The following ASB5 variants were observed in gnomAD, a reference collection of about 807,000 sequenced individuals.
ASB5 encodes the protein ankyrin repeat and SOCS box protein 5.
A neutral mutation model predicts 42.1 loss-of-function variants in ASB5; 45 were observed. That is an observed-to-expected ratio of 1.07 (90% confidence interval 0.84 to 1.37). The LOEUF is 1.37. Among genes scored for constraint, ASB5 ranks in the 40% most tolerant of loss-of-function variants. The probability of loss-of-function intolerance (pLI) is 0.00; values close to 1 mark genes in which losing one functional copy is unlikely to be tolerated. For missense variants in ASB5, 402 were observed against 399.8 expected (o/e 1.01, Z -0.05); for synonymous variants, 147 against 150.6 (o/e 0.98, Z 0.18).
At chr4:176,221,089 C>T in intron 5 of ASB5, 66 bp downstream of exon 5, 1 of 1,461,886 alleles carries the variant, frequency 6.8e-7, no homozygotes, top group Non-Finnish European at 9.1e-7. Flanking sequence ...TAAAGATGCT[C>T]ATTTAGAGAA....
At chr4:176,222,760 A>G (rs528818598) in intron 2 of ASB5, among the ~76,000 whole-genome samples, 3 of 152,084 alleles carry the variant, frequency 2.0e-5, no homozygotes, top group Non-Finnish European at 2.9e-5. Context: ...GTTTTGTAGA[A>G]CTAAAGACTT....
chr4:176,219,379 T>C (rs866710406), intron 5 of ASB5, among the ~76,000 whole-genome samples: 3 of 91,870 alleles, frequency 3.3e-5, no homozygotes, highest in African/African-American at 1.2e-4. Flanking sequence ...ATTTGTATGA[T>C]ATATAAATAT....
intron 1 of ASB5, among the ~76,000 whole-genome samples, chr4:176,245,061 G>A (rs1488943219): frequency 6.6e-6 from 1 of 152,142 alleles, no homozygotes; most frequent in East Asian, 1.9e-4. Flanking sequence ...GGAGTTCCCA[G>A]ATAAACTTAA....
chr4:176,240,006 A>ATGGATTCAT (rs1409575944), intron 1 of ASB5, among the ~76,000 whole-genome samples: 1 of 152,196 alleles, frequency 6.6e-6, no homozygotes, highest in Non-Finnish European at 1.5e-5. Flanking sequence ...GCTCAGCTGT[A>ATGGATTCAT]TGGATTCATA....
chr4:176,226,440 C>T (rs13130595), intron 1 of ASB5, among the ~76,000 whole-genome samples: 32,512 of 151,956 alleles, frequency 0.21, 3,576 homozygotes, highest in African/African-American at 0.26. Context: ...GACTGAGCCA[C>T]GCTACCTCAT....
At chr4:176,239,518 T>C (rs577809032) in intron 1 of ASB5, among the ~76,000 whole-genome samples, 54 of 152,212 alleles carry the variant, frequency 3.5e-4, no homozygotes, top group Non-Finnish European at 6.9e-4. Flanking sequence ...TTAGACACCG[T>C]ATATTATAAT....
chr4:176,215,553 G>C lies in ASB5; in HGVS notation c.*47C>G. ...TATATGAACTATTCCTTAAGCAAAA[G>C]AAATAGAAATTTTGATTTTCAAGGT... is the stretch of plus-strand genomic sequence containing the variant. On this transcript the variant is annotated 3_prime_UTR_variant, in exon 7 of 7. Coordinates refer to ENST00000296525, the MANE Select transcript of ASB5 (RefSeq NM_080874.4). The C allele has an allele frequency of 6.4e-7, 1 of 1,571,894 alleles. No homozygotes were observed. The highest frequency in any genetic ancestry group is 1.1e-5 in the South Asian group (1 of 87,898).
intron 2 of ASB5, among the ~76,000 whole-genome samples, chr4:176,222,812 C>CT (rs1471859776): frequency 6.6e-6 from 1 of 152,216 alleles, no homozygotes; most frequent in Non-Finnish European, 1.5e-5. Flanking sequence ...GAGCCTCACT[C>CT]TGTCACCCAA....
rs1224555138 is a variant in ASB5, at chr4:176,261,133, C to A, written c.196+7780G>T. Among the ~76,000 whole-genome samples, 3 of 152,114 alleles carry A rather than the reference C, an allele frequency of 2.0e-5. No homozygotes were observed. The East Asian group carries it at 5.8e-4, about 29-fold the overall frequency. ...TGTCACTGGGGATAATTGTTCTTCTCTCCTCTGCAGTTTAGAAAATGGGCT... is the reference window on the plus strand; with the variant it reads ...TGTCACTGGGGATAATTGTTCTTCTATCCTCTGCAGTTTAGAAAATGGGCT... On this transcript the variant is annotated intron_variant, in intron 1 of 6. Transcript: ENST00000296525.
chr4:176,220,024 A>G (rs983317143), intron 5 of ASB5, among the ~76,000 whole-genome samples: 2 of 152,188 alleles, frequency 1.3e-5, no homozygotes, highest in East Asian at 3.8e-4. Context: ...ATAGCTGATG[A>G]GCTAAAACAA....
chr4:176,273,998 G>T (rs1324165625), upstream of ASB5, among the ~76,000 whole-genome samples: 5 of 152,138 alleles, frequency 3.3e-5, no homozygotes, highest in Non-Finnish European at 7.4e-5. Context: ...TCTCGAGAAG[G>T]TTACTTGACC....
At chr4:176,244,716 C>A (rs1753875413) in intron 1 of ASB5, among the ~76,000 whole-genome samples, 2 of 152,096 alleles carry the variant, frequency 1.3e-5, no homozygotes, top group South Asian at 4.2e-4. Context: ...AGTTTGAGAT[C>A]AGCCTGGGCA....
chr4:176,239,241 G>A (rs908236979), intron 1 of ASB5, among the ~76,000 whole-genome samples: 2 of 151,532 alleles, frequency 1.3e-5, no homozygotes, highest in African/African-American at 4.9e-5. Flanking sequence ...AGGGGAGTAC[G>A]GTAATCTACA....
rs550660918 is a variant in ASB5 at position 176,238,438 on chromosome 4, G to A, written c.197-13097C>T. Among the ~76,000 whole-genome samples, 356 of 152,246 alleles carry A rather than the reference G, an allele frequency of 2.3e-3. 2 individuals carry two copies. Among genetic ancestry groups the A allele is most frequent in the African/African-American group, 8.2e-3 (341 of 41,554 alleles). On this transcript the variant is annotated intron_variant, in intron 1 of 6. Coordinates refer to ENST00000296525, the MANE Select transcript of ASB5 (RefSeq NM_080874.4). ...TTCACCCTAAAAGGCAGAGGAAAGG[G>A]TAGTTGGCAGGATGAGAGGAAAAAC...
chr4:176,266,957 A>ACCTAAGTCTTACCTAAGTCTTACC (rs1754369336), intron 1 of ASB5, among the ~76,000 whole-genome samples: 1 of 151,892 alleles, frequency 6.6e-6, no homozygotes, highest in Non-Finnish European at 1.5e-5. Flanking sequence ...GCACACTAAG[A>ACCTAAGTCTTACCTAAGTCTTACC]TAAGTCTAAT....
In ASB5 at chr4:176,241,396, G is replaced by A. The variant is rs1579324545; in HGVS notation, c.197-16055C>T. 2.3e-6 allele frequency: 3 copies of A among 1,299,246 alleles called. No individual in the cohort carries two copies. In the Admixed American group the frequency reaches 7.2e-5, roughly 31 times the overall value. 80.5% of individuals were successfully genotyped at this position (1,299,246 alleles called of 1,614,324 possible). Reference sequence around the variant, plus strand: ...GTTTACTCCAAAATTACTATTAAGGGCTCACTAAGTAAAAAAATAAAACCT... The same window carrying A: ...GTTTACTCCAAAATTACTATTAAGGACTCACTAAGTAAAAAAATAAAACCT... On this transcript the variant is annotated intron_variant, in intron 1 of 6. Coordinates refer to ENST00000296525, the MANE Select transcript of ASB5 (RefSeq NM_080874.4).
chr4:176,277,070 A>G (rs1340868123), intron 1 of ASB5, among the ~76,000 whole-genome samples: 1 of 152,154 alleles, frequency 6.6e-6, no homozygotes, highest in African/African-American at 2.4e-5. Flanking sequence ...ACAGGAAAAT[A>G]GTTATGTTAC....
At position 176,218,974 on chromosome 4, in the gene ASB5, TATAA is replaced by T. The variant is rs1468965769; in HGVS notation, c.671-1969_671-1966del. Among the ~76,000 whole-genome samples, 2 of 15,474 alleles carry T rather than the reference TATAA, an allele frequency of 1.3e-4. 1 individual carries two copies. The highest frequency in any genetic ancestry group is 2.3e-4 in the Non-Finnish European group (2 of 8,862). The allele number at this position is 15,474 out of a possible 152,430, so 10.2% of individuals were successfully genotyped here. ...TATATAAATATATATTTGTATGATA[TATAA>T]ATATATATATTTGTATGATATATAA... On this transcript the variant is annotated intron_variant, in intron 5 of 6. Coordinates refer to ENST00000296525, the MANE Select transcript of ASB5 (RefSeq NM_080874.4).
At chr4:176,249,792 G>A (rs539098416) in intron 1 of ASB5, among the ~76,000 whole-genome samples, 16 of 152,230 alleles carry the variant, frequency 1.1e-4, no homozygotes, top group African/African-American at 2.9e-4. Flanking sequence ...TTGGCCGGGC[G>A]CGGTGGCTCA....
Sources: gnomAD v4.1 joint callset for allele counts (sites outside exome capture counted in the v4.1 genomes callset) on GRCh38, gnomAD v4.1.1 for gene constraint, MANE v1.5 for transcripts, NCBI Gene and HGNC (gene_info 2026-07-23, HGNC 2026-07-21) for gene names.